The following WIF1 variants were observed in gnomAD, a reference collection of about 807,000 sequenced individuals.
WIF1 encodes Wnt inhibitory factor 1.
Under a neutral mutation model 53.5 loss-of-function variants are expected in WIF1, and 35 were observed. The ratio of observed to expected loss-of-function variants is 0.65; its 90% CI spans 0.50 to 0.87. The LOEUF (loss-of-function observed/expected upper bound fraction) is 0.87. Among genes scored for constraint, WIF1 ranks in the 40% least tolerant of loss-of-function variants. WIF1 has a pLI of 0.00. For synonymous variants in WIF1, 171 were observed against 170.4 expected (o/e 1.00, Z -0.03); for missense variants, 467 against 476.8 (o/e 0.98, Z 0.19).
At chr12:65,105,895 C>T (rs1009885064) in intron 2 of WIF1, among the ~76,000 whole-genome samples, 5 of 152,150 alleles carry the variant, frequency 3.3e-5, no homozygotes, top group Non-Finnish European at 7.4e-5. Context: ...AAGTTCAATG[C>T]CAAATGAGGA....
intron 7 of WIF1, among the ~76,000 whole-genome samples, chr12:65,060,813 G>T (rs537192363): frequency 8.5e-5 from 13 of 152,226 alleles, no homozygotes; most frequent in African/African-American, 2.9e-4. Context: ...TGTAGTTCCC[G>T]TGATAGAAAC....
chr12:65,120,703 A>T (rs933771653), intron 1 of WIF1, 147 bp from the exon 2 acceptor site: 3 of 963,098 alleles, frequency 3.1e-6, no homozygotes, highest in African/African-American at 3.3e-5. Flanking sequence ...CGCTACTAAG[A>T]TTAATTTTTC....
intron 2 of WIF1, among the ~76,000 whole-genome samples, chr12:65,086,059 T>G (rs1346699045): frequency 6.6e-6 from 1 of 152,150 alleles, no homozygotes; most frequent in African/African-American, 2.4e-5. Flanking sequence ...TAAGGTTTTT[T>G]ACTTTTATTT....
At chr12:65,100,258 T>C (rs1883262991) in intron 2 of WIF1, among the ~76,000 whole-genome samples, 1 of 152,200 alleles carries the variant, frequency 6.6e-6, no homozygotes, top group Non-Finnish European at 1.5e-5. Context: ...ATTATAGTCA[T>C]GCCCATGCAA....
intron 3 of WIF1, among the ~76,000 whole-genome samples, chr12:65,071,192 C>A (rs1455009103): frequency 3.5e-5 from 5 of 142,284 alleles, no homozygotes; most frequent in Non-Finnish European, 6.0e-5. Context: ...CAAGATAGAG[C>A]CACTGCAGTC....
chr12:65,102,414 A>G (rs1193673634), intron 2 of WIF1, among the ~76,000 whole-genome samples: 1 of 152,154 alleles, frequency 6.6e-6, no homozygotes, highest in African/African-American at 2.4e-5. Flanking sequence ...GTCAAGCAGG[A>G]GTTCTCTCTC....
chr12:65,074,639 G>A (rs1234073706), intron 3 of WIF1, among the ~76,000 whole-genome samples: 2 of 151,602 alleles, frequency 1.3e-5, no homozygotes, highest in Non-Finnish European at 2.9e-5. Context: ...CCAACATGGT[G>A]AAACTGCATG....
At chr12:65,100,458 T>G (rs1258527548) in intron 2 of WIF1, among the ~76,000 whole-genome samples, 1 of 152,160 alleles carries the variant, frequency 6.6e-6, no homozygotes, top group Admixed American at 6.6e-5. Flanking sequence ...TGGAGGATTT[T>G]TTAAAAGCGA....
chr12:65,081,381 G>A (rs1882947210), intron 2 of WIF1, among the ~76,000 whole-genome samples: 2 of 152,030 alleles, frequency 1.3e-5, no homozygotes, highest in African/African-American at 2.4e-5. Flanking sequence ...AATTCCATTC[G>A]GAGGCCAGAA....
chr12:65,068,699 A>G, intron 4 of WIF1, 65 bp downstream of exon 4: 4 of 1,548,390 alleles, frequency 2.6e-6, no homozygotes, highest in Non-Finnish European at 3.5e-6. Context: ...AGATATAAAT[A>G]TTTGGTCCAA....
Position 65,062,589 on chromosome 12 carries a change from G to GT in WIF1, c.731-14dup, listed in dbSNP as rs1565749251. The GT allele has an allele frequency of 1.3e-6, 2 of 1,596,194 alleles. No individual in the cohort carries two copies. The highest frequency in any genetic ancestry group is 1.7e-6 in the Non-Finnish European group (2 of 1,168,386). On this transcript the variant is annotated splice_polypyrimidine_tract_variant and intron_variant, in intron 6 of 9. Transcript: ENST00000286574. ...GTTGAGCAGTTTGCTGTTAGAATGAGTAACAGGGGTGTTGCATTAGACAGT... is the reference window on the plus strand; with the variant it reads ...GTTGAGCAGTTTGCTGTTAGAATGAGTTAACAGGGGTGTTGCATTAGACAGT...
At chr12:65,095,316 C>A (rs1171212190) in intron 2 of WIF1, among the ~76,000 whole-genome samples, 1 of 152,094 alleles carries the variant, frequency 6.6e-6, no homozygotes, top group Admixed American at 6.6e-5. Context: ...TCTCTGGATT[C>A]TCTAGTTCAA....
intron 2 of WIF1, among the ~76,000 whole-genome samples, chr12:65,104,205 A>C (rs1358429166): frequency 6.6e-6 from 1 of 152,222 alleles, no homozygotes; most frequent in Non-Finnish European, 1.5e-5. Context: ...AGGTTAAATC[A>C]CATAAAATTC....
In WIF1 at chr12:65,074,757, C is replaced by T. The variant is rs549169673; in HGVS notation, c.397+2989G>A. ...ACTTTAACTCAGGAGGTGGAGGTTG[C>T]GGTGAGTTGAGACCCGCACCACTGC... On this transcript the variant is annotated intron_variant, in intron 3 of 9. Transcript: ENST00000286574. Among the ~76,000 whole-genome samples, 127 of 119,174 alleles carry T rather than the reference C, an allele frequency of 1.1e-3. 1 individual carries two copies. The South Asian group carries it at 0.034, about 32-fold the overall frequency. 78.2% of individuals were successfully genotyped at this position (119,174 alleles called of 152,430 possible). A position where few individuals can be genotyped will look rare whatever the true frequency, so the allele number is the denominator to read the frequency against.
chr12:65,085,433 A>C (rs762524613), intron 2 of WIF1, among the ~76,000 whole-genome samples: 16 of 152,176 alleles, frequency 1.1e-4, no homozygotes, highest in Admixed American at 3.3e-4. Flanking sequence ...TTGTGGTGTC[A>C]TGTTGGCCAT....
At chr12:65,094,560 G>A (rs538368402) in intron 2 of WIF1, among the ~76,000 whole-genome samples, 114 of 152,176 alleles carry the variant, frequency 7.5e-4, no homozygotes, top group African/African-American at 2.6e-3. Context: ...AGGGAAGTAA[G>A]CATGAAAAAA....
chr12:65,110,504 T>C (rs551197227), intron 2 of WIF1, among the ~76,000 whole-genome samples: 1 of 152,342 alleles, frequency 6.6e-6, no homozygotes, highest in South Asian at 2.1e-4. Context: ...TCCCCCTCTG[T>C]GCTCCTAGAG....
At chr12:65,114,057 C>T (rs1326229824) in intron 2 of WIF1, among the ~76,000 whole-genome samples, 1 of 152,110 alleles carries the variant, frequency 6.6e-6, no homozygotes, top group Non-Finnish European at 1.5e-5. Flanking sequence ...AAGGGATTTC[C>T]ATAGTAATAA....
intron 3 of WIF1, among the ~76,000 whole-genome samples, chr12:65,072,534 C>T (rs1053160806): frequency 3.9e-5 from 6 of 152,052 alleles, no homozygotes; most frequent in African/African-American, 1.4e-4. Context: ...AACTAGGTAC[C>T]AACAGATGTG....
Sources: gnomAD v4.1 joint callset for allele counts (sites outside exome capture counted in the v4.1 genomes callset) on GRCh38, gnomAD v4.1.1 for gene constraint, MANE v1.5 for transcripts, NCBI Gene and HGNC (gene_info 2026-07-23, HGNC 2026-07-21) for gene names.